TRPM3: variants seen among roughly 807,000 people sequenced by gnomAD.
TRPM3 encodes the protein transient receptor potential cation channel subfamily M member 3.
Under a neutral mutation model 181.2 loss-of-function variants are expected in TRPM3, and 77 were observed. That is an observed-to-expected ratio of 0.42 (90% CI 0.35 to 0.51). The LOEUF (loss-of-function observed/expected upper bound fraction) is 0.51, where lower values mean the gene tolerates loss of function less well. Among genes scored for constraint, TRPM3 ranks in the 20% least tolerant of loss-of-function variants. The pLI is 0.01. For synonymous variants in TRPM3, 745 were observed against 796.4 expected (o/e 0.94, Z 1.09); for missense variants, 1,759 against 2,196.7 (o/e 0.80, Z 3.98).
At chr9:70,754,427 A>T (rs546376702) in intron 8 of TRPM3, among the ~76,000 whole-genome samples, 107 of 152,286 alleles carry the variant, frequency 7.0e-4, no homozygotes, top group Non-Finnish European at 1.4e-3. Context: ...TTCTAGAAGG[A>T]CCTATCTTTT....
chr9:71,057,257 A>T (rs931619430), intron 1 of TRPM3, among the ~76,000 whole-genome samples: 3 of 151,028 alleles, frequency 2.0e-5, no homozygotes, highest in African/African-American at 7.3e-5. Flanking sequence ...TTTAACTGAA[A>T]CTCTTGGGAC....
chr9:71,031,052 A>C (rs1252695835), intron 1 of TRPM3, among the ~76,000 whole-genome samples: 1 of 152,182 alleles, frequency 6.6e-6, no homozygotes, highest in African/African-American at 2.4e-5. Flanking sequence ...ACTGCTCCTC[A>C]CTGCAGAATT....
At chr9:70,644,125 G>A (rs970344383) in intron 9 of TRPM3, among the ~76,000 whole-genome samples, 28 of 152,112 alleles carry the variant, frequency 1.8e-4, no homozygotes, top group Admixed American at 1.4e-3. Flanking sequence ...GTCATTGAAC[G>A]TCCAATGACA....
At chr9:70,805,226 G>A (rs1399677482) in intron 6 of TRPM3, among the ~76,000 whole-genome samples, 1 of 151,132 alleles carries the variant, frequency 6.6e-6, no homozygotes, top group African/African-American at 2.4e-5. Context: ...AGACTGGGGT[G>A]GGGGAGGTGG....
chr9:71,408,140 G>A (rs1185121108), intron 1 of TRPM3, among the ~76,000 whole-genome samples: 1 of 152,174 alleles, frequency 6.6e-6, no homozygotes, highest in Non-Finnish European at 1.5e-5. Flanking sequence ...CCACAAAGAT[G>A]GGGAGAAACC....
chr9:70,846,285 GTGATA>G, intron 4 of TRPM3, 88 bp downstream of exon 4: 1 of 1,190,186 alleles, frequency 8.4e-7, no homozygotes, highest in Non-Finnish European at 1.2e-6. Context: ...ATGAAGTGGG[GTGATA>G]TAGAAATAAT....
rs1462884911 is a variant in TRPM3 at position 70,782,420 on chromosome 9, C to T, written c.1148+1685G>A. 3.3e-5 allele frequency among the ~76,000 whole-genome samples: 5 copies of T among 152,116 alleles called. No homozygotes were observed. The East Asian group carries it at 9.7e-4, about 29-fold the overall frequency. ...AGAGATGGGGTTTCGCCATGTTGGT[C>T]AGGCTGGTCTTGAACTCCTGAACTC... On this transcript the variant is annotated intron_variant, in intron 7 of 25. Coordinates refer to ENST00000677713, the MANE Select transcript of TRPM3 (RefSeq NM_001366145.2).
intron 1 of TRPM3, among the ~76,000 whole-genome samples, chr9:71,096,590 A>ACACACACACACACT (rs1452142664): frequency 3.3e-5 from 3 of 90,044 alleles, no homozygotes; most frequent in East Asian, 3.4e-4. Context: ...ACACACACAC[A>ACACACACACACACT]CTCTCTCTCT....
intron 6 of TRPM3, chr9:70,825,915 G>C (rs2131656998): frequency 6.6e-6 from 1 of 152,314 alleles, no homozygotes; most frequent in Middle Eastern, 3.4e-3. Flanking sequence ...TTTAACTCCA[G>C]CTCCCATCCC....
chr9:71,307,056 C>A (rs1284341013), intron 1 of TRPM3, among the ~76,000 whole-genome samples: 2 of 152,068 alleles, frequency 1.3e-5, no homozygotes, highest in African/African-American at 2.4e-5. Context: ...ACATTTTATG[C>A]ATTTTTTAAG....
At chr9:70,868,348 T>C (rs2095701425) in intron 1 of TRPM3, among the ~76,000 whole-genome samples, 1 of 152,066 alleles carries the variant, frequency 6.6e-6, no homozygotes, top group Admixed American at 6.6e-5. Flanking sequence ...CAAAGTATAA[T>C]GATTACCCTC....
At chr9:70,701,411 T>G (rs1285051102) in intron 8 of TRPM3, among the ~76,000 whole-genome samples, 1 of 152,188 alleles carries the variant, frequency 6.6e-6, no homozygotes, top group African/African-American at 2.4e-5. Flanking sequence ...TGTGCCTCCC[T>G]GATTTCTAAT....
intron 1 of TRPM3, among the ~76,000 whole-genome samples, chr9:71,421,238 G>A (rs988191580): frequency 2.6e-5 from 4 of 151,498 alleles, no homozygotes; most frequent in African/African-American, 7.3e-5. Flanking sequence ...AGGGGGTGTG[G>A]GTTTAAAAAC....
intron 8 of TRPM3, among the ~76,000 whole-genome samples, chr9:70,682,335 T>A (rs1189601918): frequency 6.6e-6 from 1 of 152,156 alleles, no homozygotes; most frequent in Non-Finnish European, 1.5e-5. Flanking sequence ...ACATCACTAA[T>A]GCAAACATTT....
At chr9:71,158,646 C>G (rs2076121442) in intron 1 of TRPM3, among the ~76,000 whole-genome samples, 1 of 152,100 alleles carries the variant, frequency 6.6e-6, no homozygotes. Context: ...AATAATGTCT[C>G]TCTTATAGAG....
At chr9:71,031,590 T>C (rs1409103324) in intron 1 of TRPM3, among the ~76,000 whole-genome samples, 1 of 152,078 alleles carries the variant, frequency 6.6e-6, no homozygotes, top group Non-Finnish European at 1.5e-5. Context: ...GTGTTTTCTG[T>C]TGGTAATATT....
chr9:71,307,433 A>T (rs1029146868), intron 1 of TRPM3, among the ~76,000 whole-genome samples: 3 of 151,924 alleles, frequency 2.0e-5, no homozygotes, highest in Non-Finnish European at 2.9e-5. Flanking sequence ...ATTTTTTCTT[A>T]TATGTTTACA....
At chr9:71,069,976 AAGT>A (rs2062518520) in intron 1 of TRPM3, among the ~76,000 whole-genome samples, 3 of 152,180 alleles carry the variant, frequency 2.0e-5, no homozygotes, top group South Asian at 4.1e-4. Flanking sequence ...GAGCAAGAAA[AAGT>A]AGGTTTAAAG....
chr9:71,072,652 TA>T (rs1360034603), intron 1 of TRPM3, among the ~76,000 whole-genome samples: 1 of 152,118 alleles, frequency 6.6e-6, no homozygotes, highest in Non-Finnish European at 1.5e-5. Context: ...GTGCCTAAAA[TA>T]AGGCACAATA....
Sources: allele counts gnomAD v4.1 joint callset (sites outside exome capture counted in the v4.1 genomes callset), GRCh38; gene constraint gnomAD v4.1.1; transcripts MANE v1.5; gene names NCBI Gene and HGNC (gene_info 2026-07-23, HGNC 2026-07-21).